PABPC4L: variants seen among roughly 807,000 people sequenced by gnomAD.
The protein encoded by PABPC4L is poly(A) binding protein cytoplasmic 4 like, also known as polyadenylate-binding protein 4-like.
For missense variants in PABPC4L, 452 were observed against 451.4 expected (o/e 1.00, Z -0.01); for synonymous variants, 169 against 164.1 (o/e 1.03, Z -0.23).
chr4:134,133,969 T>G, the PABPC4L span, among the ~76,000 whole-genome samples: 1 of 152,020 alleles, frequency 6.6e-6, no homozygotes, highest in South Asian at 2.1e-4. Context: ...GTAAAAGAGA[T>G]GCTATTCTCA....
chr4:133,962,094 T>C, the PABPC4L span, among the ~76,000 whole-genome samples: 5 of 152,254 alleles, frequency 3.3e-5, no homozygotes, highest in African/African-American at 1.2e-4. Flanking sequence ...GAGTTCTACA[T>C]CAAGGGAATT....
the PABPC4L span, among the ~76,000 whole-genome samples, chr4:134,005,910 G>T: frequency 3.3e-5 from 5 of 151,730 alleles, no homozygotes; most frequent in African/African-American, 9.7e-5. Flanking sequence ...AAGGTGCAGA[G>T]AATATATTTG....
chr4:133,981,361 A>G, the PABPC4L span, among the ~76,000 whole-genome samples: 2 of 152,156 alleles, frequency 1.3e-5, no homozygotes, highest in Non-Finnish European at 2.9e-5. Context: ...CATTTATACC[A>G]TTTATATCTT....
the PABPC4L span, among the ~76,000 whole-genome samples, chr4:134,024,632 C>T: frequency 1.3e-5 from 2 of 152,056 alleles, no homozygotes; most frequent in Non-Finnish European, 2.9e-5. Flanking sequence ...CTCCAACTCT[C>T]TAGTGATATT....
chr4:134,077,765 T>C, the PABPC4L span, among the ~76,000 whole-genome samples: 10 of 152,194 alleles, frequency 6.6e-5, no homozygotes, highest in African/African-American at 1.9e-4. Context: ...TATCTGTTTA[T>C]TCCCATGGAA....
At chr4:134,185,727 G>A in the PABPC4L span, among the ~76,000 whole-genome samples, 1 of 152,086 alleles carries the variant, frequency 6.6e-6, no homozygotes, top group African/African-American at 2.4e-5. Flanking sequence ...TTTCAGTTAG[G>A]AAAAGAGGAA....
At chr4:134,153,710 T>TGATGTTAGCTC in the PABPC4L span, among the ~76,000 whole-genome samples, 1 of 151,634 alleles carries the variant, frequency 6.6e-6, no homozygotes. Flanking sequence ...TGCAGTGGTG[T>TGATGTTAGCTC]GATGTTAGCT....
chr4:134,115,662 C>G, the PABPC4L span, among the ~76,000 whole-genome samples: 3 of 151,642 alleles, frequency 2.0e-5, no homozygotes, highest in Non-Finnish European at 4.4e-5. Context: ...TACAATTTGG[C>G]TGGAAAACAG....
chr4:134,173,014 C>G, the PABPC4L span, among the ~76,000 whole-genome samples: 1 of 151,626 alleles, frequency 6.6e-6, no homozygotes, highest in African/African-American at 2.4e-5. Flanking sequence ...AAGGAGATGT[C>G]ATCTCACCCA....
At chr4:134,023,132 T>C in the PABPC4L span, among the ~76,000 whole-genome samples, 3 of 152,200 alleles carry the variant, frequency 2.0e-5, no homozygotes, top group South Asian at 2.1e-4. Context: ...CCTAGGTATT[T>C]GGAAGACAGA....
the PABPC4L span, among the ~76,000 whole-genome samples, chr4:133,956,248 T>G: frequency 2.6e-5 from 4 of 152,214 alleles, no homozygotes; most frequent in African/African-American, 9.6e-5. Flanking sequence ...ACTAGGAATG[T>G]AATTATAATT....
the PABPC4L span, chr4:133,978,710 T>G: frequency 6.6e-6 from 1 of 152,196 alleles, no homozygotes; most frequent in South Asian, 2.1e-4. Flanking sequence ...ATATTATTAC[T>G]CTCTTGTGAT....
chr4:134,091,761 T>C, the PABPC4L span, among the ~76,000 whole-genome samples: 7 of 151,980 alleles, frequency 4.6e-5, no homozygotes, highest in Non-Finnish European at 8.8e-5. Flanking sequence ...CCATCATATA[T>C]AGAAATAGTA....
the PABPC4L span, among the ~76,000 whole-genome samples, chr4:134,167,219 T>C: frequency 6.6e-6 from 1 of 152,104 alleles, no homozygotes. Flanking sequence ...TGTGTGTTAA[T>C]GATGTATTAT....
chr4:133,951,976 A>T, the PABPC4L span, among the ~76,000 whole-genome samples: 2 of 152,176 alleles, frequency 1.3e-5, no homozygotes, highest in Non-Finnish European at 2.9e-5. Flanking sequence ...ACTTTCTGTC[A>T]CCAATTAGAT....
the PABPC4L span, among the ~76,000 whole-genome samples, chr4:134,033,497 C>A: frequency 6.6e-6 from 1 of 151,702 alleles, no homozygotes; most frequent in Non-Finnish European, 1.5e-5. Context: ...CCAAGGCAGA[C>A]CAAAAACTAG....
the PABPC4L span, among the ~76,000 whole-genome samples, chr4:134,151,584 A>T: frequency 6.6e-6 from 1 of 152,062 alleles, no homozygotes; most frequent in African/African-American, 2.4e-5. Flanking sequence ...TACTCCATCA[A>T]CACATACAAA....
the PABPC4L span, among the ~76,000 whole-genome samples, chr4:134,014,655 GC>G: frequency 1.3e-5 from 2 of 151,888 alleles, no homozygotes; most frequent in Admixed American, 6.6e-5. Flanking sequence ...GACTGACACT[GC>G]CCGATCGCCT....
chr4:134,100,625 T>C, the PABPC4L span, among the ~76,000 whole-genome samples: 1 of 151,756 alleles, frequency 6.6e-6, no homozygotes, highest in South Asian at 2.1e-4. Context: ...TACCTCTCTA[T>C]GTACCCTCAA....
Sources: allele counts gnomAD v4.1 joint callset (sites outside exome capture counted in the v4.1 genomes callset), GRCh38; gene constraint gnomAD v4.1.1; transcripts MANE v1.5; gene names NCBI Gene and HGNC (gene_info 2026-07-23, HGNC 2026-07-21).